PMPCB: variants seen among roughly 807,000 people sequenced by gnomAD.
PMPCB encodes peptidase, mitochondrial processing subunit beta, also known as mitochondrial-processing peptidase subunit beta.
In PMPCB, 46 loss-of-function variants were observed where a neutral mutation model predicts 61.5. That is an observed-to-expected ratio of 0.75 (90% confidence interval 0.59 to 0.96). The LOEUF (loss-of-function observed/expected upper bound fraction) is 0.96, where lower values mean the gene tolerates loss of function less well. Among genes scored for constraint, PMPCB ranks in the 40% least tolerant of loss-of-function variants. The probability of loss-of-function intolerance (pLI) is 0.00; values close to 1 mark genes in which losing one functional copy is unlikely to be tolerated. For missense variants in PMPCB, 590 were observed against 602.4 expected, an observed-to-expected ratio of 0.98 and a Z score of 0.22; for synonymous variants, 191 against 201.6, an observed-to-expected ratio of 0.95 and a Z score of 0.44.
chr7:103,325,272 C>A (rs1174448345), intron 12 of PMPCB, among the ~76,000 whole-genome samples: 1 of 152,008 alleles, frequency 6.6e-6, no homozygotes, highest in Non-Finnish European at 1.5e-5. Flanking sequence ...GGTGAAACCC[C>A]GTCTCTACTA....
intron 4 of PMPCB, among the ~76,000 whole-genome samples, chr7:103,301,050 C>T (rs1817437099): frequency 6.6e-6 from 1 of 152,112 alleles, no homozygotes; most frequent in African/African-American, 2.4e-5. Flanking sequence ...ATTTTGGATT[C>T]CTAATAGACT....
chr7:103,313,789 T>C lies in PMPCB; in HGVS notation c.*1518T>C. On this transcript the variant is annotated 3_prime_UTR_variant, in exon 13 of 13. Coordinates refer to ENST00000249269, the MANE Select transcript of PMPCB (RefSeq NM_004279.3). ...GATGTGTGTCAGAAACAAATATGTT[T>C]CTTAAGGATGTTAAGTATTACACAG... 1 of 985,410 alleles carries C rather than the reference T, an allele frequency of 1.0e-6. No individual in the cohort carries two copies. Among genetic ancestry groups the C allele is most frequent in the Non-Finnish European group, 1.2e-6 (1 of 829,892 alleles). The allele number at this position is 985,410 out of a possible 1,614,324, so 61.0% of individuals were successfully genotyped here. A position where few individuals can be genotyped will look rare whatever the true frequency, so the allele number is the denominator to read the frequency against.
rs1250208203 is a variant in PMPCB at position 103,304,503 on chromosome 7, A to G, written c.736+13A>G. ...GCTGCTGCTGGAGGTTAGTCAATTT[A>G]AATTTCTACAAATGTTTTAAACACA... On this transcript the variant is annotated intron_variant, in intron 6 of 12. Transcript: ENST00000249269. 1.1e-5 allele frequency: 17 copies of G among 1,532,400 alleles called. No homozygotes were observed. In the Admixed American group the frequency reaches 2.8e-4, roughly 26 times the overall value. The allele number at this position is 1,532,400 out of a possible 1,614,324, so 94.9% of individuals were successfully genotyped here. A position where few individuals can be genotyped will look rare whatever the true frequency, so the allele number is the denominator to read the frequency against.
intron 12 of PMPCB, among the ~76,000 whole-genome samples, chr7:103,323,076 C>T (rs1486208548): frequency 1.3e-5 from 2 of 151,964 alleles, no homozygotes; most frequent in Admixed American, 1.3e-4. Context: ...ATTACAGGTG[C>T]CTGTCACCAT....
At chr7:103,297,849 G>A in intron 1 of PMPCB, 2 of 1,486,310 alleles carry the variant, frequency 1.3e-6, no homozygotes, top group Non-Finnish European at 1.8e-6. Context: ...CTTGCAAATT[G>A]GGGAAAACTA....
At chr7:103,331,606 A>C (rs561539827), downstream of PMPCB, among the ~76,000 whole-genome samples, 1 of 152,340 alleles carries the variant, frequency 6.6e-6, no homozygotes, top group African/African-American at 2.4e-5. Context: ...GAGTGAGAAC[A>C]TGCAATATTT....
the PMPCB span, among the ~76,000 whole-genome samples, chr7:103,334,983 G>A: frequency 3.8e-3 from 582 of 152,074 alleles, 4 homozygotes; most frequent in African/African-American, 0.014. Flanking sequence ...ACAGGCATGC[G>A]TCTCCATGCC....
chr7:103,331,731 C>T (rs547614778), downstream of PMPCB, among the ~76,000 whole-genome samples: 120 of 152,234 alleles, frequency 7.9e-4, no homozygotes, highest in African/African-American at 2.8e-3. Context: ...TATACATATA[C>T]TTTTCTTTAT....
chr7:103,310,601 A>G, intron 9 of PMPCB, 126 bp downstream of exon 9: 1 of 615,848 alleles, frequency 1.6e-6, no homozygotes, highest in East Asian at 3.4e-5. Context: ...GATAAACAGT[A>G]GTTGCCATGT....
downstream of PMPCB, chr7:103,316,178 GT>G (rs979895587): frequency 4.5e-5 from 34 of 748,124 alleles, no homozygotes; most frequent in Non-Finnish European, 6.2e-5. Flanking sequence ...CTGCAGAAAG[GT>G]TATAGTATGT....
chr7:103,313,494 T>C lies in PMPCB; in HGVS notation c.*1223T>C. ...CTGATAAATCTACTTCCTTACAGAA[T>C]AGGTAAAAGAGCTTCCTCACAGTTA... On this transcript the variant is annotated 3_prime_UTR_variant, in exon 13 of 13. Coordinates refer to ENST00000249269, the MANE Select transcript of PMPCB (RefSeq NM_004279.3). 5.1e-6 allele frequency: 5 copies of C among 985,112 alleles called. No homozygotes were observed. Among genetic ancestry groups the C allele is most frequent in the Non-Finnish European group, 6.0e-6 (5 of 829,704 alleles). The allele number at this position is 985,112 out of a possible 1,614,324, so 61.0% of individuals were successfully genotyped here.
At chr7:103,317,161 C>A, downstream of PMPCB, 4 of 689,450 alleles carry the variant, frequency 5.8e-6, no homozygotes, top group South Asian at 6.0e-5. Flanking sequence ...CAAAAAGAAG[C>A]ACCAGCTTTT....
chr7:103,322,069 C>A, intron 12 of PMPCB: 1 of 1,608,168 alleles, frequency 6.2e-7, no homozygotes, highest in Non-Finnish European at 8.5e-7. Flanking sequence ...GCTTCTAATT[C>A]AGCTTGTCTT....
chr7:103,319,563 G>T, downstream of PMPCB: 1 of 1,574,342 alleles, frequency 6.4e-7, no homozygotes, highest in South Asian at 1.1e-5. Context: ...GGTCAAAGCA[G>T]AATTAAATGC....
At chr7:103,326,748 A>G in intron 12 of PMPCB, 1 of 1,471,128 alleles carries the variant, frequency 6.8e-7, no homozygotes, top group Non-Finnish European at 9.2e-7. Flanking sequence ...GCAAGAAAAC[A>G]AGTATTTCCC....
At chr7:103,334,937 G>A in the PMPCB span, among the ~76,000 whole-genome samples, 4 of 152,080 alleles carry the variant, frequency 2.6e-5, no homozygotes, top group Non-Finnish European at 4.4e-5. Flanking sequence ...AGTTTCAAGC[G>A]GTTCTCGTGC....
At chr7:103,299,351 GA>G in intron 2 of PMPCB, 91 bp from the exon 3 acceptor site, 1 of 712,864 alleles carries the variant, frequency 1.4e-6, no homozygotes. Flanking sequence ...GTTAAGACCA[GA>G]AAGCATTTGT....
the PMPCB span, among the ~76,000 whole-genome samples, chr7:103,335,077 A>G: frequency 3.3e-5 from 5 of 152,064 alleles, no homozygotes; most frequent in Non-Finnish European, 7.4e-5. Context: ...CAGGTGATCC[A>G]CCTGCCCCAG....
intron 12 of PMPCB, among the ~76,000 whole-genome samples, chr7:103,326,157 T>TTTTTTTTTTTTTTTTTTTTTTTTTTG (rs1818694353): frequency 6.6e-6 from 1 of 152,166 alleles, no homozygotes; most frequent in African/African-American, 2.4e-5. Flanking sequence ...TTTTGTATTT[T>TTTTTTTTTTTTTTTTTTTTTTTTTTG]AGTAGAGACA....
Sources: allele counts gnomAD v4.1 joint callset (sites outside exome capture counted in the v4.1 genomes callset), GRCh38; gene constraint gnomAD v4.1.1; transcripts MANE v1.5; gene names NCBI Gene and HGNC (gene_info 2026-07-23, HGNC 2026-07-21).